Variants in MALRD1 observed in about 807,000 individuals in gnomAD.
The protein encoded by MALRD1 is MAM and LDL-receptor class A domain-containing protein 1.
A neutral mutation model predicts 242.1 loss-of-function variants in MALRD1; 247 were observed. The observed-to-expected ratio is 1.02, with a 90% CI of 0.92 to 1.13. The LOEUF (loss-of-function observed/expected upper bound fraction) is 1.13. Ranked by LOEUF, MALRD1 falls within the 50% of genes most tolerant of loss-of-function variation. MALRD1 has a pLI of 0.00. For missense variants in MALRD1, 2,989 were observed against 2,533.1 expected, an observed-to-expected ratio of 1.18 and a Z score of -3.86; for synonymous variants, 995 against 866.6, an observed-to-expected ratio of 1.15 and a Z score of -2.60.
intron 38 of MALRD1, among the ~76,000 whole-genome samples, chr10:19,720,888 G>T (rs1360507261): frequency 6.6e-6 from 1 of 152,060 alleles, no homozygotes; most frequent in Non-Finnish European, 1.5e-5. Flanking sequence ...AAAGAAAGAT[G>T]ATACATGTGA....
At chr10:19,434,296 T>G (rs1335089895) in intron 28 of MALRD1, among the ~76,000 whole-genome samples, 1 of 152,154 alleles carries the variant, frequency 6.6e-6, no homozygotes, top group East Asian at 1.9e-4. Flanking sequence ...TGATCTAACC[T>G]TCATAATTAT....
At chr10:19,654,294 T>A (rs376930203) in intron 36 of MALRD1, among the ~76,000 whole-genome samples, 1 of 125,808 alleles carries the variant, frequency 7.9e-6, no homozygotes, top group Non-Finnish European at 1.5e-5. Flanking sequence ...AAAAGTGGGG[T>A]TTTTTTTAGC....
chr10:19,505,511 A>T (rs1192761012), intron 31 of MALRD1, among the ~76,000 whole-genome samples: 1 of 152,174 alleles, frequency 6.6e-6, no homozygotes, highest in African/African-American at 2.4e-5. Flanking sequence ...GAGAAATCAG[A>T]TCTCCTGGCA....
In MALRD1 at chr10:19,331,570, A is replaced by G. The variant is rs772014953; in HGVS notation, c.3889A>G (p.Thr1297Ala). 1.9e-4 allele frequency: 298 copies of G among 1,549,980 alleles called. No individual in the cohort carries two copies. The highest frequency in any genetic ancestry group is 2.5e-4 in the Non-Finnish European group (290 of 1,146,704). ...NDCADNSDET[T>A]FICRTSSGRC... ...TTGTGCTGATAATTCAGATGAGACT[A>G]CTTTCATTTGCCGTAAGTAAAAGGG... The change falls in exon 24 of 40, where the codon ACT becomes GCT. Residue 1297 changes from threonine (T) to alanine (A), a missense_variant. Coordinates refer to ENST00000454679, the MANE Select transcript of MALRD1 (RefSeq NM_001142308.3).
At chr10:19,530,472 T>G (rs1589204876) in intron 31 of MALRD1, among the ~76,000 whole-genome samples, 2 of 135,882 alleles carry the variant, frequency 1.5e-5, no homozygotes, top group Non-Finnish European at 3.1e-5. Flanking sequence ...AATAAATAAT[T>G]ATATAATATT....
chr10:19,248,957 T>G (rs967788597), intron 18 of MALRD1, among the ~76,000 whole-genome samples: 1 of 147,032 alleles, frequency 6.8e-6, no homozygotes, highest in Admixed American at 6.9e-5. Context: ...ATAAATTATA[T>G]ATTATATATT....
intron 1 of MALRD1, among the ~76,000 whole-genome samples, chr10:19,060,056 T>TCC (rs1834777680): frequency 1.3e-5 from 2 of 152,330 alleles, no homozygotes; most frequent in African/African-American, 4.8e-5. Context: ...CTATTTGAGT[T>TCC]CAGAGTCTGG....
intron 19 of MALRD1, among the ~76,000 whole-genome samples, chr10:19,277,012 C>T (rs1421360836): frequency 1.3e-5 from 2 of 152,028 alleles, no homozygotes; most frequent in East Asian, 3.9e-4. Flanking sequence ...CTCAACCTCC[C>T]CAACTCAAGT....
At chr10:19,151,854 C>G (rs549288905) in intron 11 of MALRD1, among the ~76,000 whole-genome samples, 2 of 152,152 alleles carry the variant, frequency 1.3e-5, no homozygotes, top group African/African-American at 2.4e-5. Context: ...CACTCCTGAA[C>G]CAAACCTAAC....
chr10:19,570,718 T>C (rs1836488362), intron 33 of MALRD1, among the ~76,000 whole-genome samples: 1 of 152,024 alleles, frequency 6.6e-6, no homozygotes, highest in Admixed American at 6.5e-5. Context: ...GAAACCAATT[T>C]TAATAAGATA....
chr10:19,134,866 A>G (rs1833272471), intron 9 of MALRD1, among the ~76,000 whole-genome samples: 1 of 152,182 alleles, frequency 6.6e-6, no homozygotes, highest in African/African-American at 2.4e-5. Context: ...CTGTTCAATA[A>G]TTATAGGCCT....
rs1296116385 is a variant in MALRD1, at chr10:19,163,527, G to A, written c.1657-2110G>A. Among the ~76,000 whole-genome samples the A allele has an allele frequency of 2.6e-5, 4 of 151,790 alleles. No homozygotes were observed. In the South Asian group the frequency reaches 8.3e-4, roughly 32 times the overall value. ...AGGGGGGAGGGTGGAGGAGGGAGAG[G>A]AGCAGAAAAGATAACTATTGGGTAC... On this transcript the variant is annotated intron_variant, in intron 12 of 39. Coordinates refer to ENST00000454679, the MANE Select transcript of MALRD1 (RefSeq NM_001142308.3).
At chr10:19,281,736 C>T (rs1261740983) in intron 20 of MALRD1, among the ~76,000 whole-genome samples, 2 of 151,938 alleles carry the variant, frequency 1.3e-5, no homozygotes, top group East Asian at 3.9e-4. Flanking sequence ...CTTTGGGAGG[C>T]CAAGGTGAGC....
At chr10:19,054,990 G>A (rs1834619600) in intron 1 of MALRD1, among the ~76,000 whole-genome samples, 6 of 152,086 alleles carry the variant, frequency 3.9e-5, no homozygotes, top group Admixed American at 3.3e-4. Context: ...TTTCCATAAT[G>A]ACAATACTAA....
intron 1 of MALRD1, among the ~76,000 whole-genome samples, chr10:19,063,925 C>T (rs1834896348): frequency 6.6e-6 from 1 of 151,348 alleles, no homozygotes; most frequent in African/African-American, 2.4e-5. Flanking sequence ...CACATGTACC[C>T]TAAAACTTAA....
intron 19 of MALRD1, among the ~76,000 whole-genome samples, chr10:19,265,005 A>G (rs1272353771): frequency 2.0e-5 from 3 of 151,822 alleles, no homozygotes; most frequent in South Asian, 4.2e-4. Flanking sequence ...GAATTTATCT[A>G]TTTCTTTAAT....
chr10:19,377,773 T>A (rs978973783), intron 26 of MALRD1, among the ~76,000 whole-genome samples: 6 of 152,126 alleles, frequency 3.9e-5, no homozygotes, highest in Non-Finnish European at 8.8e-5. Context: ...AGATTATTAT[T>A]TCTGAGTATT....
chr10:19,237,111 C>T (rs192684881), intron 18 of MALRD1, among the ~76,000 whole-genome samples: 7 of 152,050 alleles, frequency 4.6e-5, no homozygotes, highest in African/African-American at 1.4e-4. Context: ...TTAATTACCT[C>T]ATGCATTTAT....
In MALRD1 at chr10:19,531,211, C is replaced by G; in HGVS notation, c.5338C>G (p.Leu1780Val). The change falls in exon 32 of 40, where the codon CTG (leucine) becomes GTG (valine). Residue 1780 changes from leucine to valine, a missense_variant. By Grantham distance (32) the Leu-to-Val change is conservative. Transcript: ENST00000454679. ...DHTPGSGQHF[L>V]YVNSSGSKEG... ...ATTTCAAGGTAGTGGTCAGCACTTC[C>G]TGTACGTCAACTCATCTGGCTCCAA... 1.3e-6 allele frequency: 2 copies of G among 1,549,864 alleles called. No homozygotes were observed. Among genetic ancestry groups the G allele is most frequent in the South Asian group, 2.4e-5 (2 of 83,976 alleles).
Sources: gnomAD v4.1 joint callset for allele counts (sites outside exome capture counted in the v4.1 genomes callset) on GRCh38, gnomAD v4.1.1 for gene constraint, MANE v1.5 for transcripts, NCBI Gene and HGNC (gene_info 2026-07-23, HGNC 2026-07-21) for gene names.